The following FGF7 variants were observed in gnomAD, a reference collection of about 807,000 sequenced individuals.
FGF7 encodes FGF-7.
Under a neutral mutation model 20.5 loss-of-function variants are expected in FGF7, and 6 were observed. The ratio of observed to expected loss-of-function variants is 0.29; its 90% CI spans 0.16 to 0.58. FGF7 has a LOEUF of 0.58. FGF7 is among the 20% of genes least tolerant of loss of function. The pLI is 0.90. For synonymous variants in FGF7, 64 were observed against 74.7 expected, an observed-to-expected ratio of 0.86 and a Z score of 0.74; for missense variants, 144 against 228.8, an observed-to-expected ratio of 0.63 and a Z score of 2.39.
chr15:49,469,190 C>T (rs769003997), intron 2 of FGF7, among the ~76,000 whole-genome samples: 2 of 152,018 alleles, frequency 1.3e-5, no homozygotes, highest in Non-Finnish European at 2.9e-5. Context: ...TCTTATAAGA[C>T]ATTTGTCTAT....
intron 2 of FGF7, among the ~76,000 whole-genome samples, chr15:49,475,257 G>A (rs1463626179): frequency 6.6e-6 from 1 of 152,154 alleles, no homozygotes; most frequent in Admixed American, 6.6e-5. Flanking sequence ...TTGGCAATTA[G>A]GAGTTTATTC....
chr15:49,478,528 A>G (rs989335702), intron 2 of FGF7, among the ~76,000 whole-genome samples: 22 of 152,270 alleles, frequency 1.4e-4, no homozygotes, highest in Admixed American at 3.9e-4. Flanking sequence ...AGAAAATCAT[A>G]AAATGTATTT....
chr15:49,482,816 G>A (rs2056069512), intron 2 of FGF7, among the ~76,000 whole-genome samples: 1 of 151,654 alleles, frequency 6.6e-6, no homozygotes, highest in African/African-American at 2.4e-5. Flanking sequence ...CTTGGCATGT[G>A]GTATGAGTTC....
intron 2 of FGF7, among the ~76,000 whole-genome samples, chr15:49,430,193 A>G (rs1431281704): frequency 6.6e-6 from 1 of 151,858 alleles, no homozygotes; most frequent in Non-Finnish European, 1.5e-5. Flanking sequence ...TGTTAAGAAG[A>G]CTGCTTTGGT....
chr15:49,469,242 T>A (rs2054525949), intron 2 of FGF7, among the ~76,000 whole-genome samples: 1 of 152,176 alleles, frequency 6.6e-6, no homozygotes. Context: ...TTCAAACATA[T>A]TTTCTTTTAG....
chr15:49,469,658 G>C (rs2054561948), intron 2 of FGF7, among the ~76,000 whole-genome samples: 1 of 152,084 alleles, frequency 6.6e-6, no homozygotes, highest in Non-Finnish European at 1.5e-5. Flanking sequence ...CTATAAGGCA[G>C]ACAAAAAGTA....
intron 2 of FGF7, among the ~76,000 whole-genome samples, chr15:49,471,612 CTTGTT>C (rs2054776631): frequency 6.6e-6 from 1 of 151,644 alleles, no homozygotes; most frequent in Non-Finnish European, 1.5e-5. Context: ...TAATCAATGA[CTTGTT>C]TTATTCAAAA....
chr15:49,470,890 C>T (rs780173439), intron 2 of FGF7, among the ~76,000 whole-genome samples: 2 of 152,196 alleles, frequency 1.3e-5, no homozygotes, highest in African/African-American at 2.4e-5. Context: ...AGAACTCAAA[C>T]AGCTTGCTGG....
intron 2 of FGF7, among the ~76,000 whole-genome samples, chr15:49,472,414 CT>C (rs1450216828): frequency 6.6e-6 from 1 of 152,080 alleles, no homozygotes; most frequent in East Asian, 1.9e-4. Flanking sequence ...TGCTGGGTAC[CT>C]TTTATGGAAG....
In FGF7 at chr15:49,483,178, T is replaced by C; in HGVS notation, c.314T>C (p.Val105Ala). 1.9e-6 allele frequency: 3 copies of C among 1,587,782 alleles called. No individual in the cohort carries two copies. The highest frequency in any genetic ancestry group is 1.1e-5 in the South Asian group (1 of 90,798). The change falls in exon 3 of 4, where the codon GTT becomes GCT. Residue 105 changes from valine to alanine, a missense_variant. Physicochemically the swap from Val to Ala is moderately conservative, Grantham distance 64. This residue lies in a region of FGF7 where 56 missense variants were observed against 125.4 expected (regional missense o/e 0.45). Coordinates refer to ENST00000267843, the MANE Select transcript of FGF7 (RefSeq NM_002009.4). ...YNIMEIRTVAVGIVAIKGVES... is the reference protein window; with the variant it reads ...YNIMEIRTVAAGIVAIKGVES... Reference sequence around the variant, plus strand: ...ATCATGGAAATCAGGACAGTGGCAGTTGGAATTGTGGCAATCAAAGGGGTG... The same window carrying C: ...ATCATGGAAATCAGGACAGTGGCAGCTGGAATTGTGGCAATCAAAGGGGTG...
intron 2 of FGF7, among the ~76,000 whole-genome samples, chr15:49,456,416 G>A (rs17479289): frequency 0.2 from 30,314 of 152,038 alleles, 3,279 homozygotes; most frequent in South Asian, 0.34. Flanking sequence ...CAGGGTTAAG[G>A]AAGGTTAATG....
intron 2 of FGF7, among the ~76,000 whole-genome samples, chr15:49,457,921 T>G (rs1413316271): frequency 6.6e-6 from 1 of 151,996 alleles, no homozygotes; most frequent in Non-Finnish European, 1.5e-5. Flanking sequence ...AACATTTAAT[T>G]AATGTTAGAA....
At chr15:49,440,083 C>G (rs1853237782) in intron 2 of FGF7, among the ~76,000 whole-genome samples, 1 of 151,754 alleles carries the variant, frequency 6.6e-6, no homozygotes, top group Non-Finnish European at 1.5e-5. Context: ...GGAACTGAGT[C>G]ACGAAAAGAT....
At chr15:49,424,897 G>A (rs2049991440) in intron 2 of FGF7, 1 of 176,624 alleles carries the variant, frequency 5.7e-6, no homozygotes, top group Middle Eastern at 2.3e-3. Context: ...ACTTAATATT[G>A]TCTAAGCAAA....
chr15:49,451,068 A>C (rs2151884530), intron 2 of FGF7, among the ~76,000 whole-genome samples: 1 of 152,226 alleles, frequency 6.6e-6, no homozygotes, highest in East Asian at 1.9e-4. Context: ...TTCAATCAAA[A>C]TTTTAAGTCA....
chr15:49,455,450 T>C (rs1475322100), intron 2 of FGF7, among the ~76,000 whole-genome samples: 2 of 152,158 alleles, frequency 1.3e-5, no homozygotes, highest in Non-Finnish European at 2.9e-5. Flanking sequence ...TCTTAAGTAA[T>C]AAAATTGTAG....
chr15:49,443,603 C>G (rs2051887443), intron 2 of FGF7, among the ~76,000 whole-genome samples: 1 of 151,690 alleles, frequency 6.6e-6, no homozygotes, highest in Non-Finnish European at 1.5e-5. Context: ...TCTAGTATCT[C>G]TAAAAACTAT....
At chr15:49,444,342 T>C (rs1239603866) in intron 2 of FGF7, among the ~76,000 whole-genome samples, 1 of 151,704 alleles carries the variant, frequency 6.6e-6, no homozygotes, top group East Asian at 1.9e-4. Flanking sequence ...ATGAAAAGAT[T>C]TGAAAATGCA....
chr15:49,459,211 T>C (rs952144386), intron 2 of FGF7, among the ~76,000 whole-genome samples: 1 of 152,208 alleles, frequency 6.6e-6, no homozygotes, highest in Non-Finnish European at 1.5e-5. Flanking sequence ...AGATGTCAGC[T>C]GTCCTGGCCA....
Sources: allele counts gnomAD v4.1 joint callset (sites outside exome capture counted in the v4.1 genomes callset), GRCh38; gene constraint gnomAD v4.1.1; regional missense constraint gnomAD v4.1.1; transcripts MANE v1.5; gene names NCBI Gene and HGNC (gene_info 2026-07-23, HGNC 2026-07-21).